MIER3: variants seen among roughly 807,000 people sequenced by gnomAD.
The protein encoded by MIER3 is mesoderm induction early response protein 3.
Under a neutral mutation model 63.2 loss-of-function variants are expected in MIER3, and 9 were observed. The observed-to-expected ratio is 0.14, with a 90% CI of 0.09 to 0.25. The LOEUF (loss-of-function observed/expected upper bound fraction) is 0.25, where lower values mean the gene tolerates loss of function less well. Ranked by LOEUF, MIER3 falls within the 10% of genes least tolerant of loss-of-function variation. The pLI is 1.00. For missense variants in MIER3, 512 were observed against 666.2 expected (o/e 0.77, Z 2.55); for synonymous variants, 205 against 224.9 (o/e 0.91, Z 0.79).
intron 8 of MIER3, among the ~76,000 whole-genome samples, chr5:56,932,337 T>C (rs763952445): frequency 3.3e-5 from 5 of 152,124 alleles, no homozygotes; most frequent in South Asian, 2.1e-4. Flanking sequence ...ATAAAAGATA[T>C]TGAGGTATTA....
chr5:56,952,071 T>C, intron 1 of MIER3, 23 bp downstream of exon 1: 2 of 1,296,654 alleles, frequency 1.5e-6, no homozygotes, highest in South Asian at 1.8e-5. Context: ...GCCCGGCTGC[T>C]CCTGCCCGGT....
At chr5:56,931,289 A>C (rs775529098) in intron 8 of MIER3, among the ~76,000 whole-genome samples, 9 of 152,228 alleles carry the variant, frequency 5.9e-5, no homozygotes, top group Admixed American at 4.6e-4. Flanking sequence ...TTATGAACAT[A>C]ATAAACAGGA....
intron 3 of MIER3, among the ~76,000 whole-genome samples, chr5:56,940,638 A>G (rs1750613260): frequency 6.6e-6 from 1 of 152,256 alleles, no homozygotes; most frequent in Non-Finnish European, 1.5e-5. Context: ...TGATCATGAA[A>G]ATCTTTTTTA....
intron 10 of MIER3, among the ~76,000 whole-genome samples, chr5:56,924,523 G>A (rs985021020): frequency 1.3e-5 from 2 of 152,110 alleles, no homozygotes; most frequent in African/African-American, 2.4e-5. Context: ...CATCAGATTT[G>A]AGTTCCACTT....
chr5:56,938,239 A>G, intron 4 of MIER3: 1 of 471,176 alleles, frequency 2.1e-6, no homozygotes, highest in Non-Finnish European at 4.4e-6. Context: ...TATGGTCATT[A>G]AGGTCTGTGG....
At chr5:56,924,152 T>A (rs1749836375) in intron 10 of MIER3, 110 bp from the exon 11 acceptor site, 1 of 1,059,244 alleles carries the variant, frequency 9.4e-7, no homozygotes, top group East Asian at 2.4e-5. Flanking sequence ...ATTTTCCCAT[T>A]ATATAGTTCT....
At chr5:56,946,820 A>C (rs1416572182) in intron 3 of MIER3, 106 bp downstream of exon 3, 3 of 934,512 alleles carry the variant, frequency 3.2e-6, no homozygotes, top group Non-Finnish European at 4.5e-6. Context: ...AAGAGTGAAA[A>C]AAAAAAGGAT....
intron 9 of MIER3, 27 bp from the exon 10 acceptor site, chr5:56,928,888 A>C (rs776800831): frequency 6.5e-7 from 1 of 1,540,934 alleles, no homozygotes; most frequent in Non-Finnish European, 8.9e-7. Context: ...AATAAAATTT[A>C]TGGGCCCCCA....
At chr5:56,949,164 T>A (rs1750929846) in intron 2 of MIER3, among the ~76,000 whole-genome samples, 1 of 152,268 alleles carries the variant, frequency 6.6e-6, no homozygotes, top group Non-Finnish European at 1.5e-5. Context: ...AAGATCAGCC[T>A]AGCCAGCATG....
At position 56,921,385 on chromosome 5, in the gene MIER3, C is replaced by T. The variant is rs1246910805; in HGVS notation, c.*1743G>A. The T allele has an allele frequency of 6.6e-6, 1 of 152,310 alleles. No individual in the cohort carries two copies. Among genetic ancestry groups the T allele is most frequent in the Non-Finnish European group, 1.5e-5 (1 of 67,966 alleles). The allele number at this position is 152,310 out of a possible 1,614,324, so 9.4% of individuals were successfully genotyped here. A position where few individuals can be genotyped will look rare whatever the true frequency, so the allele number is the denominator to read the frequency against. ...GAAAGTAACACAGAGCCCAGGCTAC[C>T]CATTATTTACTGTGTGCATACAGGA... On this transcript the variant is annotated 3_prime_UTR_variant, in exon 13 of 13. Coordinates refer to ENST00000381199, the MANE Select transcript of MIER3 (RefSeq NM_001297599.2).
At chr5:56,943,930 A>G (rs1353238578) in intron 3 of MIER3, among the ~76,000 whole-genome samples, 2 of 152,220 alleles carry the variant, frequency 1.3e-5, no homozygotes, top group African/African-American at 4.8e-5. Context: ...AGTCACACTT[A>G]TAAATGAACT....
In MIER3 at chr5:56,931,344, AAG is replaced by A. The variant is rs536361558; in HGVS notation, c.748-601_748-600del. 7.6e-3 allele frequency among the ~76,000 whole-genome samples: 1,156 copies of A among 152,302 alleles called. 6 individuals carry two copies. The highest frequency in any genetic ancestry group is 0.014 in the Non-Finnish European group (941 of 68,010). On this transcript the variant is annotated intron_variant, in intron 8 of 12. Transcript: ENST00000381199. ...AGTTAAATAATCTATCTACCTTCCC[AAG>A]TAAGTTTTAAGGAAGTGAAGATGGT...
At chr5:56,938,272 A>T (rs1750521564) in intron 4 of MIER3, 1 of 471,108 alleles carries the variant, frequency 2.1e-6, no homozygotes, top group African/African-American at 2.0e-5. Flanking sequence ...ACATTGACTT[A>T]AAAGTGGGAA....
intron 3 of MIER3, among the ~76,000 whole-genome samples, chr5:56,946,132 A>G (rs2662039): frequency 0.023 from 3,466 of 152,308 alleles, 74 homozygotes; most frequent in East Asian, 0.075. Context: ...TCACAAAGCT[A>G]CTAAGCAGAG....
Position 56,930,671 on chromosome 5 carries a change from G to A in MIER3, c.822C>T (p.Ala274=), listed in dbSNP as rs560817959. The A allele has an allele frequency of 1.7e-5, 28 of 1,613,654 alleles. No individual in the cohort carries two copies. The highest frequency in any genetic ancestry group is 2.1e-5 in the Non-Finnish European group (25 of 1,179,658). Reference sequence around the variant, plus strand: ...AACCCAAGTGTTTCTTACCTTGAGAGGCCTTTCCATTGCAGCAGTATCTTT... The same window carrying A: ...AACCCAAGTGTTTCTTACCTTGAGAAGCCTTTCCATTGCAGCAGTATCTTT... ...AIERYCCNGK[A]SQEGMTAWTE... is the part of the protein sequence containing the mutation. The change falls in exon 9 of 13, where the codon GCC becomes GCT. Residue 274 remains alanine (A), a synonymous_variant. Transcript: ENST00000381199.
intron 9 of MIER3, among the ~76,000 whole-genome samples, chr5:56,930,042 A>G (rs940602408): frequency 2.0e-5 from 3 of 152,192 alleles, no homozygotes; most frequent in African/African-American, 7.2e-5. Context: ...GTTTAAATGT[A>G]TTATTTTTAG....
chr5:56,923,385 T>C lies in MIER3; in HGVS notation c.1396A>G (p.Asn466Asp). 6.2e-7 allele frequency: 1 copy of C among 1,614,200 alleles called. No individual in the cohort carries two copies. The highest frequency in any genetic ancestry group is 8.5e-7 in the Non-Finnish European group (1 of 1,180,032). Residue 466 changes from asparagine to aspartate, a missense_variant, in exon 13 of 13, where the codon AAC becomes GAC. Asn to Asp is a conservative substitution (Grantham distance 23). This residue lies in a region of MIER3 where 218 missense variants were observed against 251.2 expected (regional missense o/e 0.87). Coordinates refer to ENST00000381199, the MANE Select transcript of MIER3 (RefSeq NM_001297599.2). Reference sequence around the variant, plus strand: ...TCTTCACTGCACATGTTCATAGGGTTTAGCTCCGAGTGATAAAATCCAGTC... The same window carrying C: ...TCTTCACTGCACATGTTCATAGGGTCTAGCTCCGAGTGATAAAATCCAGTC... ...FETGFYHSEL[N>D]PMNMCSEESE...
rs1750553590 is a variant in MIER3 at position 56,939,129 on chromosome 5, A to G, written c.181-112T>C. 14 of 1,160,878 alleles carry G rather than the reference A, an allele frequency of 1.2e-5. No individual in the cohort carries two copies. The South Asian group carries it at 3.5e-4, about 29-fold the overall frequency. 71.9% of individuals were successfully genotyped at this position (1,160,878 alleles called of 1,614,324 possible). On this transcript the variant is annotated intron_variant, in intron 3 of 12. Coordinates refer to ENST00000381199, the MANE Select transcript of MIER3 (RefSeq NM_001297599.2). ...GCACATTATCAAAACAGCAGAACAA[A>G]TCAAAGGCAAGTTTCAGTTTTTCTT...
rs2112107237 is a variant in MIER3, at chr5:56,933,232, G to A, written c.747+15C>T. ...CTGTAAACTGGCTGCTGTTTCAACA[G>A]AAGCTGAAGTATACCTGTTCATTGT... On this transcript the variant is annotated intron_variant, in intron 8 of 12. Coordinates refer to ENST00000381199, the MANE Select transcript of MIER3 (RefSeq NM_001297599.2). 2 of 1,565,502 alleles carry A rather than the reference G, an allele frequency of 1.3e-6. No homozygotes were observed. The highest frequency in any genetic ancestry group is 8.6e-7 in the Non-Finnish European group (1 of 1,157,810).
Sources: allele counts gnomAD v4.1 joint callset (sites outside exome capture counted in the v4.1 genomes callset), GRCh38; gene constraint gnomAD v4.1.1; regional missense constraint gnomAD v4.1.1; transcripts MANE v1.5; gene names NCBI Gene and HGNC (gene_info 2026-07-23, HGNC 2026-07-21).